Variants in RERE observed in about 807,000 individuals in gnomAD.
RERE encodes the protein arginine-glutamic acid dipeptide repeats protein.
A neutral mutation model predicts 146.1 loss-of-function variants in RERE; 40 were observed. The observed-to-expected ratio is 0.27, with a 90% CI of 0.21 to 0.36. The LOEUF is 0.36. RERE is among the 10% of genes least tolerant of loss of function. The pLI is 1.00. For synonymous variants in RERE, 1,003 were observed against 866.0 expected, an observed-to-expected ratio of 1.16 and a Z score of -2.78; for missense variants, 1,933 against 2,138.7, an observed-to-expected ratio of 0.90 and a Z score of 1.90.
At chr1:8,477,995 T>C (rs1192459311) in intron 10 of RERE, among the ~76,000 whole-genome samples, 1 of 152,222 alleles carries the variant, frequency 6.6e-6, no homozygotes, top group Non-Finnish European at 1.5e-5. Flanking sequence ...AAAAAGCCTC[T>C]GGGCAACCAA....
intron 17 of RERE, 81 bp downstream of exon 17, chr1:8,361,681 GC>G: frequency 2.2e-6 from 3 of 1,380,840 alleles, no homozygotes; most frequent in Non-Finnish European, 3.1e-6. Context: ...ACAGGGCACG[GC>G]CACCAACTAG....
At chr1:8,533,362 G>A (rs760621014) in intron 7 of RERE, among the ~76,000 whole-genome samples, 12 of 152,158 alleles carry the variant, frequency 7.9e-5, no homozygotes, top group Non-Finnish European at 1.6e-4. Flanking sequence ...AGTATTTGAA[G>A]TTCTCGGGTG....
At position 8,458,407 on chromosome 1, in the gene RERE, C is replaced by G. The variant is rs149561203; in HGVS notation, c.1203+7518G>C. On this transcript the variant is annotated intron_variant, in intron 11 of 22. Transcript: ENST00000400908. ...AAGACTCCCCCCATTACTCCCCTTACTCCCCGCTCAAGCAAAAATGAAAAA... is the reference window on the plus strand; with the variant it reads ...AAGACTCCCCCCATTACTCCCCTTAGTCCCCGCTCAAGCAAAAATGAAAAA... Among the ~76,000 whole-genome samples the G allele has an allele frequency of 2.9e-3, 446 of 152,198 alleles. 2 individuals are homozygous for G. The highest frequency in any genetic ancestry group is 0.01 in the African/African-American group (425 of 41,498).
intron 4 of RERE, among the ~76,000 whole-genome samples, chr1:8,601,240 A>G (rs1646621666): frequency 6.6e-6 from 1 of 150,412 alleles, no homozygotes. Context: ...CTGGTTTCCA[A>G]CTCCTGACCT....
intron 1 of RERE, among the ~76,000 whole-genome samples, chr1:8,683,834 C>G (rs1265065890): frequency 2.6e-5 from 4 of 152,044 alleles, no homozygotes; most frequent in African/African-American, 9.7e-5. Flanking sequence ...CTCAGCTACT[C>G]AGGAGACTGA....
intron 10 of RERE, among the ~76,000 whole-genome samples, chr1:8,492,001 T>C (rs1025913625): frequency 6.6e-6 from 1 of 152,254 alleles, no homozygotes; most frequent in African/African-American, 2.4e-5. Context: ...TCTCACAGGA[T>C]ATTTTCATTC....
rs547757743 is a variant in RERE, at chr1:8,535,967, G to C, written c.830+5247C>G. ...CTAAAAATACAAAAATTAGCTGGGAGTGGTGGCGGGTGCCTGTAGTCCCAG... is the reference window on the plus strand; with the variant it reads ...CTAAAAATACAAAAATTAGCTGGGACTGGTGGCGGGTGCCTGTAGTCCCAG... On this transcript the variant is annotated intron_variant, in intron 7 of 22. Transcript: ENST00000400908. 6.4e-4 allele frequency among the ~76,000 whole-genome samples: 97 copies of C among 152,046 alleles called. 2 individuals carry two copies. The South Asian group carries it at 0.018, about 29-fold the overall frequency.
chr1:8,436,341 T>C (rs1644169691), intron 11 of RERE, among the ~76,000 whole-genome samples: 1 of 151,828 alleles, frequency 6.6e-6, no homozygotes, highest in African/African-American at 2.4e-5. Flanking sequence ...AAAAAATAAA[T>C]AAAATAACCC....
At chr1:8,477,809 A>AC in intron 10 of RERE, among the ~76,000 whole-genome samples, 1 of 152,328 alleles carries the variant, frequency 6.6e-6, no homozygotes, top group Admixed American at 6.5e-5. Flanking sequence ...TTCTAAGGTT[A>AC]TGCAAACAAC....
chr1:8,447,193 C>G (rs1186649445), intron 11 of RERE, among the ~76,000 whole-genome samples: 1 of 151,658 alleles, frequency 6.6e-6, no homozygotes, highest in Non-Finnish European at 1.5e-5. Flanking sequence ...AGCAGTTCCT[C>G]TAACCTTTTT....
intron 12 of RERE, among the ~76,000 whole-genome samples, chr1:8,396,099 G>A (rs929351257): frequency 6.6e-6 from 1 of 152,184 alleles, no homozygotes. Context: ...GAGCCTTAGT[G>A]ACAAGTGAGA....
At chr1:8,529,357 T>A (rs1236258570) in intron 7 of RERE, among the ~76,000 whole-genome samples, 2 of 144,656 alleles carry the variant, frequency 1.4e-5, no homozygotes, top group Non-Finnish European at 3.0e-5. Context: ...TGGTGCAATC[T>A]CAGCTCACTG....
intron 6 of RERE, among the ~76,000 whole-genome samples, chr1:8,546,865 A>C (rs1052169281): frequency 1.3e-5 from 2 of 151,702 alleles, no homozygotes; most frequent in African/African-American, 4.8e-5. Context: ...AAAAAAAAAA[A>C]CAAAAAAAAT....
chr1:8,381,726 G>A (rs767309365), intron 12 of RERE, among the ~76,000 whole-genome samples: 4 of 152,154 alleles, frequency 2.6e-5, no homozygotes, highest in African/African-American at 7.2e-5. Context: ...CCGGGGACGC[G>A]CCAGTGTGAA....
chr1:8,653,726 T>C (rs918729890), intron 2 of RERE, among the ~76,000 whole-genome samples: 26 of 146,396 alleles, frequency 1.8e-4, no homozygotes, highest in Non-Finnish European at 3.3e-4. Context: ...AGGGTTAACA[T>C]GTTTTGTTCC....
At chr1:8,446,850 T>C (rs1362633355) in intron 11 of RERE, among the ~76,000 whole-genome samples, 1 of 151,850 alleles carries the variant, frequency 6.6e-6, no homozygotes, top group East Asian at 1.9e-4. Flanking sequence ...ATTTTTTTTT[T>C]TTGTATTTTT....
intron 1 of RERE, among the ~76,000 whole-genome samples, chr1:8,688,573 A>G (rs1182260671): frequency 6.6e-6 from 1 of 151,774 alleles, no homozygotes; most frequent in Non-Finnish European, 1.5e-5. Flanking sequence ...AAAAAAAAAA[A>G]TTAAAATTAA....
At position 8,568,970 on chromosome 1, in the gene RERE, T is replaced by C. The variant is rs931726721; in HGVS notation, c.523-11447A>G. 2.6e-5 allele frequency among the ~76,000 whole-genome samples: 4 copies of C among 152,146 alleles called. No individual in the cohort carries two copies. The East Asian group carries it at 5.8e-4, about 22-fold the overall frequency. ...GCTTTAAAAGTTCAGTTTTGAAGGG[T>C]CAATTTGGCAAGACGAAATTTCGCA... On this transcript the variant is annotated intron_variant, in intron 4 of 22. Transcript: ENST00000400908.
At chr1:8,795,438 T>A (rs955051546) in intron 1 of RERE, among the ~76,000 whole-genome samples, 2 of 152,036 alleles carry the variant, frequency 1.3e-5, no homozygotes, top group Admixed American at 6.6e-5. Flanking sequence ...GCTGGAACTA[T>A]AGACATGCCA....
Sources: gnomAD v4.1 joint callset for allele counts (sites outside exome capture counted in the v4.1 genomes callset) on GRCh38, gnomAD v4.1.1 for gene constraint, MANE v1.5 for transcripts, NCBI Gene and HGNC (gene_info 2026-07-23, HGNC 2026-07-21) for gene names.